The following RAP1GAP variants were observed in gnomAD, a reference collection of about 807,000 sequenced individuals.
The protein encoded by RAP1GAP is rap1 GTPase-activating protein 1.
In RAP1GAP, 35 loss-of-function variants were observed where a neutral mutation model predicts 87.2. The observed-to-expected ratio is 0.40, with a 90% CI of 0.31 to 0.53. RAP1GAP has a LOEUF of 0.53. RAP1GAP is among the 20% of genes least tolerant of loss of function. RAP1GAP has a pLI of 0.48. For synonymous variants in RAP1GAP, 375 were observed against 363.9 expected, an observed-to-expected ratio of 1.03 and a Z score of -0.35; for missense variants, 734 against 898.9, an observed-to-expected ratio of 0.82 and a Z score of 2.35.
At chr1:21,649,673 TG>T in intron 2 of RAP1GAP, 87 bp downstream of exon 2, 1 of 1,427,786 alleles carries the variant, frequency 7.0e-7, no homozygotes, top group Non-Finnish European at 9.7e-7. Context: ...AGGTCTGGCC[TG>T]GCATCGCAGG....
rs150646627 is a variant in RAP1GAP at position 21,655,444 on chromosome 1, C to T, written c.-148-5648G>A. On this transcript the variant is annotated intron_variant, in intron 1 of 24. Transcript: ENST00000374765. ...AGGGCTGGACCAGGCTCTGATGCTTCCTAGCTGTGTGATGTCAAACACATT... is the reference window on the plus strand; with the variant it reads ...AGGGCTGGACCAGGCTCTGATGCTTTCTAGCTGTGTGATGTCAAACACATT... Among the ~76,000 whole-genome samples, 418 of 152,330 alleles carry T rather than the reference C, an allele frequency of 2.7e-3. 2 individuals carry two copies. The highest frequency in any genetic ancestry group is 9.6e-3 in the African/African-American group (400 of 41,574).
intron 3 of RAP1GAP, among the ~76,000 whole-genome samples, chr1:21,620,788 G>A (rs2149898719): frequency 6.6e-6 from 1 of 152,130 alleles, no homozygotes; most frequent in Admixed American, 6.5e-5. Context: ...GCCCCTCCAA[G>A]GCTCAGCTCA....
intron 2 of RAP1GAP, among the ~76,000 whole-genome samples, chr1:21,635,855 T>C (rs2151001803): frequency 6.6e-6 from 1 of 152,284 alleles, no homozygotes. Context: ...CAAGCCTCAG[T>C]TTCTCTACTA....
chr1:21,609,202 A>C lies in RAP1GAP; in HGVS notation c.1072-266T>G, dbSNP rs993812787. Among the ~76,000 whole-genome samples, 2 of 152,150 alleles carry C rather than the reference A, an allele frequency of 1.3e-5. No individual in the cohort carries two copies. The highest frequency in any genetic ancestry group is 6.5e-5 in the Admixed American group (1 of 15,280). ...AGGGTCTGGGTTGGGGTCTCAACCT[A>C]CTGCTTCAGTCTAGGGTAGCAGAAC... On this transcript the variant is annotated intron_variant, in intron 15 of 24. Transcript: ENST00000374765. This position sits in a 1 kb window ranked among gnomAD's most constrained non-coding sequence, Gnocchi z 4.4.
rs752515203 is a variant in RAP1GAP, at chr1:21,609,557, T to TG, written c.1071+17dup. The TG allele has an allele frequency of 2.5e-4, 364 of 1,460,410 alleles. No homozygotes were observed. The highest frequency in any genetic ancestry group is 7.1e-4 in the Middle Eastern group (4 of 5,640). 90.5% of individuals were successfully genotyped at this position (1,460,410 alleles called of 1,614,324 possible). A position where few individuals can be genotyped will look rare whatever the true frequency, so the allele number is the denominator to read the frequency against. The stretch of plus-strand genomic sequence containing the variant: ...CCATTTGTCCTGCTCTGCCCATGAC[T>TG]GGGGGGGTGCCCCTCACCTTCCTGA... On this transcript the variant is annotated intron_variant, in intron 15 of 24. Transcript: ENST00000374765. The surrounding 1 kb of genome is among the most constrained non-coding windows in gnomAD (Gnocchi z 4.4).
chr1:21,604,135 G>A (rs1013881189), intron 18 of RAP1GAP, among the ~76,000 whole-genome samples: 2 of 152,054 alleles, frequency 1.3e-5, no homozygotes, highest in Non-Finnish European at 2.9e-5. Context: ...AGACGGGGGA[G>A]AGATGGACAG....
At chr1:21,653,550 T>A (rs1354282870) in intron 1 of RAP1GAP, among the ~76,000 whole-genome samples, 1 of 103,746 alleles carries the variant, frequency 9.6e-6, no homozygotes, top group Non-Finnish European at 2.1e-5. Flanking sequence ...GGAACTTCCT[T>A]CCTTCCTTCC....
chr1:21,597,913 C>G (rs764755932), intron 23 of RAP1GAP, 48 bp downstream of exon 23: 22 of 1,534,012 alleles, frequency 1.4e-5, no homozygotes, highest in Non-Finnish European at 1.8e-5. Context: ...AGCTCATCCC[C>G]TCCCGGGTGG....
chr1:21,602,094 C>A (rs144330924), intron 19 of RAP1GAP, among the ~76,000 whole-genome samples: 9 of 152,204 alleles, frequency 5.9e-5, no homozygotes, highest in Non-Finnish European at 1.2e-4. Flanking sequence ...ACAGCTAGGA[C>A]GTGGCAGTGC....
intron 1 of RAP1GAP, among the ~76,000 whole-genome samples, chr1:21,660,029 C>T (rs1308693954): frequency 6.6e-6 from 1 of 151,954 alleles, no homozygotes; most frequent in Non-Finnish European, 1.5e-5. Flanking sequence ...TACACACTGC[C>T]CTGCCCTGGC....
intron 1 of RAP1GAP, among the ~76,000 whole-genome samples, chr1:21,664,552 T>C (rs980634233): frequency 1.3e-5 from 2 of 152,204 alleles, no homozygotes; most frequent in South Asian, 4.1e-4. Context: ...GCGCCTCCAC[T>C]TCTCCTCTTG....
Position 21,602,910 on chromosome 1 carries a change from G to A in RAP1GAP, c.1432C>T (p.Leu478=). The change falls in exon 19 of 25, where the codon CTG becomes TTG. Residue 478 remains leucine (L), a synonymous_variant. Transcript: ENST00000374765. ...PDLAKAAGIS[L]IVPGKSPTRK... ...GTGGGGCTCTTCCCAGGGACAATCA[G>A]TGACTGTGGGGAGAGGCCCCAACTC... 6.2e-7 allele frequency: 1 copy of A among 1,608,156 alleles called. No homozygotes were observed. Among genetic ancestry groups the A allele is most frequent in the Non-Finnish European group, 8.5e-7 (1 of 1,177,794 alleles).
intron 2 of RAP1GAP, among the ~76,000 whole-genome samples, chr1:21,640,011 T>C (rs2095360209): frequency 6.6e-6 from 1 of 152,140 alleles, no homozygotes; most frequent in African/African-American, 2.4e-5. Context: ...GACGCCCGCC[T>C]CACGTGGCCC....
intron 2 of RAP1GAP, among the ~76,000 whole-genome samples, chr1:21,626,778 C>A (rs1212797904): frequency 2.0e-5 from 3 of 152,172 alleles, no homozygotes; most frequent in Non-Finnish European, 4.4e-5. Context: ...CTGGGAGTAG[C>A]CGCCTTGGCA....
chr1:21,662,227 C>G (rs2097178738), intron 1 of RAP1GAP, among the ~76,000 whole-genome samples: 1 of 152,210 alleles, frequency 6.6e-6, no homozygotes, highest in Non-Finnish European at 1.5e-5. Flanking sequence ...TCCTCACCCA[C>G]AAAATGTGGA....
Position 21,666,213 on chromosome 1 carries a change from T to C in RAP1GAP, c.-149+3041A>G, listed in dbSNP as rs527333750. Among the ~76,000 whole-genome samples the C allele has an allele frequency of 1.3e-4, 20 of 152,224 alleles. No individual in the cohort carries two copies. The South Asian group carries it at 3.7e-3, about 28-fold the overall frequency. On this transcript the variant is annotated intron_variant, in intron 1 of 24. Coordinates refer to ENST00000374765, the MANE Select transcript of RAP1GAP (RefSeq NM_002885.4). ...GCGCCAGTCTCTCAGAGGCACAGGGTGCCAGGGCCAGCCTGGCAGAGGTCC... is the reference window on the plus strand; with the variant it reads ...GCGCCAGTCTCTCAGAGGCACAGGGCGCCAGGGCCAGCCTGGCAGAGGTCC...
At chr1:21,653,942 C>T (rs922869969) in intron 1 of RAP1GAP, among the ~76,000 whole-genome samples, 1 of 152,272 alleles carries the variant, frequency 6.6e-6, no homozygotes, top group Admixed American at 6.5e-5. Flanking sequence ...CCAGGCCTGG[C>T]CCCCGGGAGG....
chr1:21,612,107 A>AGGAC lies in RAP1GAP; in HGVS notation c.530_531insGTCC (p.Arg179PhefsTer8). Reference sequence around the variant, plus strand: ...CGTCAAAGGTGACGATGAGCCGGGAAGCCTGCAGGAGAGGACGCCGGGTGA... The same window carrying AGGAC: ...CGTCAAAGGTGACGATGAGCCGGGAAGGACGCCTGCAGGAGAGGACGCCGGGTGA... On this transcript the variant is annotated frameshift_variant and splice_region_variant, in exon 11 of 25. Coordinates refer to ENST00000374765, the MANE Select transcript of RAP1GAP (RefSeq NM_002885.4). LOFTEE classifies it high-confidence loss of function. The AGGAC allele has an allele frequency of 6.4e-7, 1 of 1,550,768 alleles. No individual in the cohort carries two copies. The highest frequency in any genetic ancestry group is 8.7e-7 in the Non-Finnish European group (1 of 1,145,852).
intron 2 of RAP1GAP, among the ~76,000 whole-genome samples, chr1:21,630,557 TTTG>T (rs922354998): frequency 1.7e-4 from 26 of 149,148 alleles, no homozygotes; most frequent in African/African-American, 6.5e-4. Flanking sequence ...CCCCTGACCT[TTTG>T]TTGTTGTTAA....
Sources: allele counts gnomAD v4.1 joint callset (sites outside exome capture counted in the v4.1 genomes callset), GRCh38; gene constraint gnomAD v4.1.1; non-coding constraint Gnocchi (gnomAD v3.1); transcripts MANE v1.5; gene names NCBI Gene and HGNC (gene_info 2026-07-23, HGNC 2026-07-21).